The following KNTC1 variants were observed in gnomAD, a reference collection of about 807,000 sequenced individuals.
KNTC1 encodes kinetochore associated 1, also known as kinetochore-associated protein 1.
Under a neutral mutation model 314.4 loss-of-function variants are expected in KNTC1, and 253 were observed. The ratio of observed to expected loss-of-function variants is 0.80; its 90% CI spans 0.73 to 0.89. The LOEUF is 0.89. KNTC1 is among the 40% of genes least tolerant of loss of function. The probability of loss-of-function intolerance (pLI) is 0.00; values close to 1 mark genes in which losing one functional copy is unlikely to be tolerated. For missense variants in KNTC1, 2,475 were observed against 2,572.9 expected (o/e 0.96, Z 0.82); for synonymous variants, 901 against 901.4 (o/e 1.00, Z 0.01).
At chr12:122,552,627 G>A (rs1400843788) in intron 16 of KNTC1, among the ~76,000 whole-genome samples, 1 of 152,208 alleles carries the variant, frequency 6.6e-6, no homozygotes, top group East Asian at 1.9e-4. Context: ...GCCTCCCAAA[G>A]TTTTGAGATT....
chr12:122,551,678 G>T lies in KNTC1; in HGVS notation c.1254G>T (p.Gln418His), dbSNP rs1963210000. ...CTGAAGCTGAGAGTTTTGCCATTCA[G>T]TTTGGACTAGATGTTGAGGTAATCA... is the stretch of plus-strand genomic sequence containing the variant. ...RFAEAESFAI[Q>H]FGLDVELVYK... Residue 418 changes from glutamine (Q) to histidine (H), a missense_variant, in exon 16 of 64, where the codon CAG (glutamine) becomes CAT (histidine). Coordinates refer to ENST00000333479, the MANE Select transcript of KNTC1 (RefSeq NM_014708.6). 1 of 1,613,032 alleles carries T rather than the reference G, an allele frequency of 6.2e-7. No homozygotes were observed. The highest frequency in any genetic ancestry group is 8.5e-7 in the Non-Finnish European group (1 of 1,179,104).
Position 122,544,210 on chromosome 12 carries a change from C to T in KNTC1, c.610C>T (p.Leu204Phe), listed in dbSNP as rs200109083. The change falls in exon 8 of 64, where the codon CTT becomes TTT. Residue 204 changes from leucine (L) to phenylalanine (F), a missense_variant. By Grantham distance (22) the Leu-to-Phe change is conservative. Transcript: ENST00000333479. ...SFISTENYHTLGCLSLVAGDL... is the reference protein window; with the variant it reads ...SFISTENYHTFGCLSLVAGDL... The stretch of plus-strand genomic sequence containing the variant: ...TATTTCTACTGAAAATTATCATACT[C>T]TTGGTTGTCTCAGTCTTGTGGCTGG... 1.3e-6 allele frequency: 2 copies of T among 1,585,958 alleles called. No homozygotes were observed. The highest frequency in any genetic ancestry group is 1.7e-6 in the Non-Finnish European group (2 of 1,171,196).
In KNTC1 at chr12:122,626,067, C is replaced by A; in HGVS notation, c.6607-138C>A. On this transcript the variant is annotated intron_variant, in intron 63 of 63. Transcript: ENST00000333479. ...AATTTGTGGCGTTTAAAATCTGTTT[C>A]TCTCTAATCTAAAATGCCAAATAGT... The A allele has an allele frequency of 2.1e-5, 14 of 669,926 alleles. No homozygotes were observed. The South Asian group carries it at 2.2e-4, about 11-fold the overall frequency. 41.5% of individuals were successfully genotyped at this position (669,926 alleles called of 1,614,324 possible). A position where few individuals can be genotyped will look rare whatever the true frequency, so the allele number is the denominator to read the frequency against.
chr12:122,548,530 T>C (rs1019540633), intron 12 of KNTC1, among the ~76,000 whole-genome samples: 2 of 152,024 alleles, frequency 1.3e-5, no homozygotes, highest in African/African-American at 4.8e-5. Context: ...TTTATTAGAG[T>C]GACTCTTACG....
chr12:122,587,585 C>CT (rs1869534782), intron 38 of KNTC1, 126 bp from the exon 39 acceptor site: 1 of 649,706 alleles, frequency 1.5e-6, no homozygotes, highest in Admixed American at 3.5e-5. Flanking sequence ...CATTAACTAA[C>CT]TGAGAACAAA....
intron 5 of KNTC1, among the ~76,000 whole-genome samples, chr12:122,541,247 CTGTT>C (rs1443874709): frequency 2.0e-5 from 3 of 149,378 alleles, no homozygotes; most frequent in Non-Finnish European, 4.4e-5. Flanking sequence ...GTTCCAGATA[CTGTT>C]TGTTTGTGCT....
At chr12:122,609,232 C>T in intron 51 of KNTC1, 152 bp from the exon 52 acceptor site, 1 of 638,940 alleles carries the variant, frequency 1.6e-6, no homozygotes, top group South Asian at 1.9e-5. Context: ...ATCAGTTAAG[C>T]AAAAATCTTT....
At chr12:122,551,290 AT>A (rs1376277782) in intron 13 of KNTC1, 28 bp from the exon 14 acceptor site, 1 of 1,411,724 alleles carries the variant, frequency 7.1e-7, no homozygotes, top group Non-Finnish European at 9.9e-7. Flanking sequence ...TTATATTGGA[AT>A]TTTAATCATG....
intron 55 of KNTC1, among the ~76,000 whole-genome samples, 174 bp from the exon 56 acceptor site, chr12:122,614,817 G>A (rs1032814902): frequency 1.3e-5 from 2 of 151,802 alleles, no homozygotes; most frequent in East Asian, 3.9e-4. Flanking sequence ...GGAGGTGGAG[G>A]TTGTGGCGAG....
In KNTC1 at chr12:122,582,742, G is replaced by A. The variant is rs772077758; in HGVS notation, c.3020G>A (p.Ser1007Asn). 69 of 1,611,192 alleles carry A rather than the reference G, an allele frequency of 4.3e-5. No homozygotes were observed. Among genetic ancestry groups the A allele is most frequent in the Non-Finnish European group, 5.7e-5 (67 of 1,179,056 alleles). ...FEVFLSFEDY[S>N]NSSLVADLRE... Reference sequence around the variant, plus strand: ...GTCTTTCTTTCATTTGAAGATTATAGCAATAGTTCCCTGGTAGCAGATCTC... The same window carrying A: ...GTCTTTCTTTCATTTGAAGATTATAACAATAGTTCCCTGGTAGCAGATCTC... The change falls in exon 34 of 64, where the codon AGC (serine) becomes AAC (asparagine). Residue 1007 changes from serine (S) to asparagine (N), a missense_variant. Transcript: ENST00000333479.
chr12:122,600,777 T>G (rs1353047859), intron 44 of KNTC1, among the ~76,000 whole-genome samples: 1 of 152,054 alleles, frequency 6.6e-6, no homozygotes, highest in Non-Finnish European at 1.5e-5. Flanking sequence ...GCAATTCTCC[T>G]GCCTCCGCCT....
intron 7 of KNTC1, 92 bp from the exon 8 acceptor site, chr12:122,544,067 A>AAT: frequency 3.9e-6 from 2 of 518,564 alleles, no homozygotes; most frequent in Non-Finnish European, 3.2e-6. Flanking sequence ...AAAAAAAAAA[A>AAT]TTTATAACTG....
In KNTC1 at chr12:122,540,175, G is replaced by GTT. The variant is rs560388242; in HGVS notation, c.445+434_445+435dup. On this transcript the variant is annotated intron_variant, in intron 5 of 63. Transcript: ENST00000333479. ...TTATTATGCTACCTACATTTTTTCT[G>GTT]TTTTTTTTTTTTTTGAGACGAAGTG... Among the ~76,000 whole-genome samples, 207 of 138,220 alleles carry GTT rather than the reference G, an allele frequency of 1.5e-3. 1 individual carries two copies. Among genetic ancestry groups the GTT allele is most frequent in the African/African-American group, 4.6e-3 (175 of 37,816 alleles). 90.7% of individuals were successfully genotyped at this position (138,220 alleles called of 152,430 possible). A position where few individuals can be genotyped will look rare whatever the true frequency, so the allele number is the denominator to read the frequency against.
intron 48 of KNTC1, 37 bp downstream of exon 48, chr12:122,603,280 A>C: frequency 7.4e-7 from 1 of 1,354,876 alleles, no homozygotes; most frequent in Non-Finnish European, 1.0e-6. Context: ...GTTAAAAAAA[A>C]AAAAAAAGTA....
chr12:122,585,836 G>T, intron 37 of KNTC1, 62 bp downstream of exon 37: 1 of 1,530,352 alleles, frequency 6.5e-7, no homozygotes, highest in Non-Finnish European at 9.0e-7. Context: ...TTAAACTGTA[G>T]AGGTTTGGAG....
chr12:122,617,757 T>G (rs1403449679), intron 57 of KNTC1, among the ~76,000 whole-genome samples: 3 of 152,216 alleles, frequency 2.0e-5, no homozygotes, highest in Admixed American at 1.3e-4. Context: ...AGATATCAGC[T>G]TATGATTTTA....
intron 43 of KNTC1, among the ~76,000 whole-genome samples, chr12:122,595,328 C>T (rs567301720): frequency 2.0e-5 from 3 of 152,322 alleles, no homozygotes; most frequent in Non-Finnish European, 2.9e-5. Context: ...TCAGATCTGT[C>T]ACCTCATTTA....
intron 12 of KNTC1, among the ~76,000 whole-genome samples, chr12:122,549,329 T>A (rs953921412): frequency 6.6e-6 from 1 of 151,944 alleles, no homozygotes; most frequent in African/African-American, 2.4e-5. Flanking sequence ...AGTGCTCCCA[T>A]GTGTTTTTGG....
chr12:122,612,982 G>A (rs530044964), intron 53 of KNTC1, 130 bp from the exon 54 acceptor site: 85 of 647,120 alleles, frequency 1.3e-4, no homozygotes, highest in Non-Finnish European at 2.0e-4. Context: ...CACACAGTGC[G>A]TTCCGTAACT....
Sources: gnomAD v4.1 joint callset for allele counts (sites outside exome capture counted in the v4.1 genomes callset) on GRCh38, gnomAD v4.1.1 for gene constraint, MANE v1.5 for transcripts, NCBI Gene and HGNC (gene_info 2026-07-23, HGNC 2026-07-21) for gene names.